Variants in CSMD1 observed in about 807,000 individuals in gnomAD.
The protein encoded by CSMD1 is CUB and sushi domain-containing protein 1.
A neutral mutation model predicts 417.5 loss-of-function variants in CSMD1; 213 were observed. The ratio of observed to expected loss-of-function variants is 0.51; its 90% CI spans 0.46 to 0.57. The LOEUF (loss-of-function observed/expected upper bound fraction) is 0.57, where lower values mean the gene tolerates loss of function less well. Among genes scored for constraint, CSMD1 ranks in the 20% least tolerant of loss-of-function variants. The pLI, the probability that CSMD1 is intolerant of heterozygous loss-of-function variation, is 0.00. For missense variants in CSMD1, 6,923 were observed against 4,529.7 expected (o/e 1.53, Z -15.17); for synonymous variants, 2,862 against 1,736.8 (o/e 1.65, Z -16.11).
chr8:3,546,209 G>A (rs145338722), intron 10 of CSMD1, among the ~76,000 whole-genome samples: 1 of 152,070 alleles, frequency 6.6e-6, no homozygotes, highest in African/African-American at 2.4e-5. Context: ...TAGAGAAATT[G>A]TGTAAGGTTC....
intron 1 of CSMD1, among the ~76,000 whole-genome samples, chr8:4,925,802 C>T (rs1468177114): frequency 1.3e-5 from 2 of 152,156 alleles, no homozygotes; most frequent in African/African-American, 4.8e-5. Flanking sequence ...CCTCCTCGGC[C>T]TCCCAAAGTG....
At chr8:3,313,893 G>A (rs1202099969) in intron 23 of CSMD1, among the ~76,000 whole-genome samples, 2 of 152,106 alleles carry the variant, frequency 1.3e-5, no homozygotes, top group Non-Finnish European at 2.9e-5. Flanking sequence ...ATGATAGACT[G>A]GATTAAGAAA....
intron 1 of CSMD1, among the ~76,000 whole-genome samples, chr8:4,933,173 C>A (rs1345055170): frequency 6.6e-6 from 1 of 151,784 alleles, no homozygotes; most frequent in East Asian, 1.9e-4. Flanking sequence ...TCTTTCTTCC[C>A]CTTCCTTTCT....
At chr8:3,256,585 G>T (rs1447394129) in intron 26 of CSMD1, among the ~76,000 whole-genome samples, 1 of 152,146 alleles carries the variant, frequency 6.6e-6, no homozygotes, top group African/African-American at 2.4e-5. Context: ...CCTGACAAAT[G>T]AACCAACAAC....
intron 1 of CSMD1, among the ~76,000 whole-genome samples, chr8:4,675,748 T>A (rs1439391371): frequency 6.6e-6 from 1 of 152,220 alleles, no homozygotes. Context: ...CTCCCTTACA[T>A]TGCATTCTAC....
chr8:4,518,373 T>C (rs1803238022), intron 2 of CSMD1, among the ~76,000 whole-genome samples: 1 of 152,144 alleles, frequency 6.6e-6, no homozygotes. Flanking sequence ...CTTAAAAATA[T>C]GAGGACTTCA....
intron 3 of CSMD1, among the ~76,000 whole-genome samples, chr8:4,144,904 ACT>A (rs1804017994): frequency 6.6e-6 from 1 of 150,934 alleles, no homozygotes. Flanking sequence ...AGGCTTTCAG[ACT>A]CTATCAGTGA....
chr8:3,572,699 G>T (rs1193490789), intron 10 of CSMD1, among the ~76,000 whole-genome samples: 1 of 152,070 alleles, frequency 6.6e-6, no homozygotes, highest in Non-Finnish European at 1.5e-5. Context: ...GTCGCAATGG[G>T]ATACTTCTGG....
At chr8:3,762,207 G>A (rs565000605) in intron 5 of CSMD1, among the ~76,000 whole-genome samples, 2 of 152,096 alleles carry the variant, frequency 1.3e-5, no homozygotes, top group African/African-American at 2.4e-5. Flanking sequence ...GCCATGCAAA[G>A]CCCCATGTGC....
Position 2,937,393 on chromosome 8 carries a change from T to C in CSMD1, c.*1192A>G, listed in dbSNP as rs940812232. ...GAGTTCAAGGTGCTACTGTGGTATA[T>C]TGTCTTTCAATGCAATATCAAAGAT... On this transcript the variant is annotated 3_prime_UTR_variant, in exon 70 of 70. Coordinates refer to ENST00000635120, the MANE Select transcript of CSMD1 (RefSeq NM_033225.6). The C allele has an allele frequency of 6.6e-6, 1 of 151,160 alleles. No individual in the cohort carries two copies. The highest frequency in any genetic ancestry group is 1.5e-5 in the Non-Finnish European group (1 of 67,950). 9.4% of individuals were successfully genotyped at this position (151,160 alleles called of 1,614,324 possible). A position where few individuals can be genotyped will look rare whatever the true frequency, so the allele number is the denominator to read the frequency against.
At chr8:3,176,232 T>A (rs1820927941) in intron 37 of CSMD1, among the ~76,000 whole-genome samples, 1 of 152,182 alleles carries the variant, frequency 6.6e-6, no homozygotes, top group Non-Finnish European at 1.5e-5. Context: ...TTGTAAGCCA[T>A]CTCTAAATGG....
chr8:3,175,269 G>C (rs1018066994), intron 37 of CSMD1, among the ~76,000 whole-genome samples: 1 of 152,096 alleles, frequency 6.6e-6, no homozygotes, highest in Non-Finnish European at 1.5e-5. Context: ...TTCAAATAAT[G>C]AAAGAGTTGT....
chr8:4,858,031 A>C (rs965912306), intron 1 of CSMD1, among the ~76,000 whole-genome samples: 2 of 152,130 alleles, frequency 1.3e-5, no homozygotes, highest in African/African-American at 4.8e-5. Context: ...TACTGGCAAA[A>C]CGAATGCAGC....
At chr8:4,145,990 T>C (rs1037706701) in intron 3 of CSMD1, among the ~76,000 whole-genome samples, 1 of 150,964 alleles carries the variant, frequency 6.6e-6, no homozygotes, top group East Asian at 1.9e-4. Context: ...GGTGCAAATT[T>C]TGTACCCTGC....
At chr8:3,521,121 C>T (rs1253320747) in intron 10 of CSMD1, among the ~76,000 whole-genome samples, 1 of 152,040 alleles carries the variant, frequency 6.6e-6, no homozygotes, top group Non-Finnish European at 1.5e-5. Flanking sequence ...TTCTACCAGT[C>T]ACCATTCCAG....
intron 10 of CSMD1, among the ~76,000 whole-genome samples, chr8:3,571,755 C>CATCT (rs57894725): frequency 2.6e-5 from 4 of 151,846 alleles, no homozygotes; most frequent in African/African-American, 7.3e-5. Context: ...GCTAAGTCTC[C>CATCT]GTCTGGGGCA....
intron 2 of CSMD1, among the ~76,000 whole-genome samples, chr8:4,444,884 G>T (rs1363036102): frequency 1.3e-5 from 2 of 152,280 alleles, no homozygotes; most frequent in African/African-American, 4.8e-5. Flanking sequence ...GTAATTGATT[G>T]TTCAGACTCT....
intron 6 of CSMD1, among the ~76,000 whole-genome samples, chr8:3,737,682 C>T (rs1796594497): frequency 6.6e-6 from 1 of 152,184 alleles, no homozygotes; most frequent in South Asian, 2.1e-4. Flanking sequence ...AAATCAATTA[C>T]AATTTCTTGT....
chr8:4,396,927 A>G (rs1013192410), intron 3 of CSMD1, among the ~76,000 whole-genome samples: 4 of 152,120 alleles, frequency 2.6e-5, no homozygotes, highest in Non-Finnish European at 4.4e-5. Context: ...CCTTGGGTAC[A>G]AGGTACACTG....
Sources: gnomAD v4.1 joint callset for allele counts (sites outside exome capture counted in the v4.1 genomes callset) on GRCh38, gnomAD v4.1.1 for gene constraint, MANE v1.5 for transcripts, NCBI Gene and HGNC (gene_info 2026-07-23, HGNC 2026-07-21) for gene names.